The following CACNA2D1 variants were observed in gnomAD, a reference collection of about 807,000 sequenced individuals.
The protein encoded by CACNA2D1 is calcium voltage-gated channel auxiliary subunit alpha2delta 1, also known as voltage-dependent calcium channel subunit alpha-2/delta-1.
A neutral mutation model predicts 171.5 loss-of-function variants in CACNA2D1; 53 were observed. The ratio of observed to expected loss-of-function variants is 0.31; its 90% confidence interval spans 0.25 to 0.39. The LOEUF (loss-of-function observed/expected upper bound fraction) is 0.39. Ranked by LOEUF, CACNA2D1 falls within the 10% of genes least tolerant of loss-of-function variation. CACNA2D1 has a pLI of 1.00. For synonymous variants in CACNA2D1, 442 were observed against 443.1 expected (o/e 1.00, Z 0.03); for missense variants, 903 against 1,299.8 (o/e 0.69, Z 4.69).
At chr7:82,096,525 C>A (rs983553036) in intron 6 of CACNA2D1, among the ~76,000 whole-genome samples, 4 of 151,640 alleles carry the variant, frequency 2.6e-5, no homozygotes, top group African/African-American at 9.7e-5. Context: ...GTATTTTAAA[C>A]TGGGATTTTA....
At chr7:82,106,596 G>A (rs193100332) in intron 6 of CACNA2D1, among the ~76,000 whole-genome samples, 12 of 151,656 alleles carry the variant, frequency 7.9e-5, no homozygotes, top group Admixed American at 2.6e-4. Context: ...GCAATAACTG[G>A]ATTTTTTGCA....
chr7:82,261,269 T>C (rs1167433827), intron 3 of CACNA2D1, among the ~76,000 whole-genome samples: 1 of 152,230 alleles, frequency 6.6e-6, no homozygotes, highest in Non-Finnish European at 1.5e-5. Flanking sequence ...CCACTTTTTA[T>C]AGTGTCTCCC....
intron 3 of CACNA2D1, among the ~76,000 whole-genome samples, chr7:82,267,864 G>A (rs1224874165): frequency 6.6e-6 from 1 of 152,034 alleles, no homozygotes; most frequent in Non-Finnish European, 1.5e-5. Flanking sequence ...GGGCGTGGTG[G>A]CGGGTGCCTG....
intron 4 of CACNA2D1, among the ~76,000 whole-genome samples, chr7:82,141,787 C>G (rs752377396): frequency 2.0e-5 from 3 of 152,128 alleles, no homozygotes; most frequent in African/African-American, 7.2e-5. Flanking sequence ...AGACATTGCC[C>G]GTCTGTTGAT....
rs1230610017 is a variant in CACNA2D1 at position 82,269,135 on chromosome 7, C to T, written c.294+66000G>A. Among the ~76,000 whole-genome samples, 3 of 152,140 alleles carry T rather than the reference C, an allele frequency of 2.0e-5. No individual in the cohort carries two copies. The East Asian group carries it at 5.8e-4, about 29-fold the overall frequency. The stretch of plus-strand genomic sequence containing the variant: ...TCCCTCTTTCCTATATCTCCCATCG[C>T]CTCTATTTGCAGAACTGTTTCCCTT... On this transcript the variant is annotated intron_variant, in intron 3 of 38. Coordinates refer to ENST00000356860, the MANE Select transcript of CACNA2D1 (RefSeq NM_000722.4).
chr7:81,959,440 C>T (rs995056953), intron 37 of CACNA2D1, 83 bp from the exon 38 acceptor site: 1 of 953,412 alleles, frequency 1.0e-6, no homozygotes, highest in Non-Finnish European at 1.7e-6. Context: ...TTTCCCAAAA[C>T]ATGTGAGAGA....
At chr7:82,172,961 A>C (rs1796196579) in intron 3 of CACNA2D1, among the ~76,000 whole-genome samples, 1 of 152,038 alleles carries the variant, frequency 6.6e-6, no homozygotes, top group Non-Finnish European at 1.5e-5. Context: ...TTTTTTCTTC[A>C]GAATACACAG....
chr7:82,285,826 G>C (rs1420808957), intron 3 of CACNA2D1, among the ~76,000 whole-genome samples: 1 of 152,088 alleles, frequency 6.6e-6, no homozygotes, highest in Admixed American at 6.5e-5. Flanking sequence ...TTTCCTACTT[G>C]GTGATGTCTT....
chr7:82,081,917 G>C (rs917926258), intron 7 of CACNA2D1, among the ~76,000 whole-genome samples: 1 of 151,908 alleles, frequency 6.6e-6, no homozygotes, highest in Non-Finnish European at 1.5e-5. Flanking sequence ...GCACAGAAGC[G>C]GGCTCTATGT....
intron 3 of CACNA2D1, among the ~76,000 whole-genome samples, chr7:82,233,579 T>G (rs1372748884): frequency 1.3e-5 from 2 of 152,008 alleles, no homozygotes; most frequent in African/African-American, 4.8e-5. Context: ...TCCCATGAGA[T>G]CAAGTGAAGT....
Position 82,399,256 on chromosome 7 carries a change from A to G in CACNA2D1, c.95+44109T>C, listed in dbSNP as rs556130591. Among the ~76,000 whole-genome samples, 19 of 152,254 alleles carry G rather than the reference A, an allele frequency of 1.2e-4. No homozygotes were observed. The South Asian group carries it at 1.5e-3, about 12-fold the overall frequency. On this transcript the variant is annotated intron_variant, in intron 1 of 38. Coordinates refer to ENST00000356860, the MANE Select transcript of CACNA2D1 (RefSeq NM_000722.4). ...AGAGCTCAAGACCAGCCTGGTCCAC[A>G]TGACAAAACCCTGTCTCTACAAAAA...
intron 5 of CACNA2D1, among the ~76,000 whole-genome samples, chr7:82,135,661 T>C (rs1791521262): frequency 6.6e-6 from 1 of 152,118 alleles, no homozygotes; most frequent in African/African-American, 2.4e-5. Context: ...ATCAAGCCAT[T>C]ATGTGTTTTC....
intron 7 of CACNA2D1, among the ~76,000 whole-genome samples, chr7:82,081,047 G>C (rs1479391579): frequency 6.6e-6 from 1 of 152,184 alleles, no homozygotes; most frequent in African/African-American, 2.4e-5. Context: ...GTCTCAGAGA[G>C]TTTAGGAGAC....
intron 3 of CACNA2D1, among the ~76,000 whole-genome samples, chr7:82,178,336 C>T (rs1563162487): frequency 6.6e-6 from 1 of 152,126 alleles, no homozygotes; most frequent in Admixed American, 6.6e-5. Context: ...AGGGAGATAT[C>T]ATCTGGTGAG....
At chr7:82,282,976 C>T (rs1407848648) in intron 3 of CACNA2D1, among the ~76,000 whole-genome samples, 8 of 152,238 alleles carry the variant, frequency 5.3e-5, no homozygotes, top group South Asian at 4.1e-4. Context: ...GGTGACTATG[C>T]ATTCAGAATT....
chr7:82,175,334 CCT>C (rs1278519744), intron 3 of CACNA2D1, among the ~76,000 whole-genome samples: 3 of 150,960 alleles, frequency 2.0e-5, no homozygotes, highest in Non-Finnish European at 4.4e-5. Flanking sequence ...TCAAGATTTT[CCT>C]TTTTAATAAA....
chr7:81,983,659 G>A (rs936638191), intron 22 of CACNA2D1, among the ~76,000 whole-genome samples: 4 of 152,232 alleles, frequency 2.6e-5, no homozygotes, highest in Admixed American at 2.0e-4. Flanking sequence ...AAAGACTCAC[G>A]AGTTATCCCC....
chr7:82,309,387 CAA>C (rs916570160), intron 3 of CACNA2D1, among the ~76,000 whole-genome samples: 3 of 150,820 alleles, frequency 2.0e-5, no homozygotes, highest in Non-Finnish European at 4.4e-5. Context: ...GCCTAGGTGA[CAA>C]GAGTGAAACT....
At chr7:82,197,953 C>G (rs772427932) in intron 3 of CACNA2D1, among the ~76,000 whole-genome samples, 2 of 151,922 alleles carry the variant, frequency 1.3e-5, no homozygotes, top group Non-Finnish European at 2.9e-5. Flanking sequence ...AAAATATATG[C>G]AACACATTTT....
Sources: allele counts gnomAD v4.1 joint callset (sites outside exome capture counted in the v4.1 genomes callset), GRCh38; gene constraint gnomAD v4.1.1; transcripts MANE v1.5; gene names NCBI Gene and HGNC (gene_info 2026-07-23, HGNC 2026-07-21).